The following VCAN variants were observed in gnomAD, a reference collection of about 807,000 sequenced individuals.
The protein encoded by VCAN is versican core protein.
VCAN carries 44 observed loss-of-function variants against 245.5 expected under a neutral mutation model. The ratio of observed to expected loss-of-function variants is 0.18; its 90% CI spans 0.14 to 0.23. The LOEUF (loss-of-function observed/expected upper bound fraction) is 0.23. Among genes scored for constraint, VCAN ranks in the 10% least tolerant of loss-of-function variants. VCAN has a pLI of 1.00. For synonymous variants in VCAN, 1,413 were observed against 1,437.0 expected (o/e 0.98, Z 0.38); for missense variants, 3,793 against 4,057.9 (o/e 0.93, Z 1.77).
Position 83,521,440 on chromosome 5 carries a change from C to A in VCAN, c.3134C>A (p.Pro1045Gln). The change falls in exon 7 of 15, where the codon CCA becomes CAA. Residue 1045 changes from proline to glutamine, a missense_variant. Coordinates refer to ENST00000265077, the MANE Select transcript of VCAN (RefSeq NM_004385.5). The part of the protein sequence containing the change: ...FPWKEQTAEK[P>Q]VPALSSTAWT... ...TGGAAAGAACAGACTGCAGAGAAAC[C>A]AGTTCCTGCTCTCAGTTCTACAGCT... The A allele has an allele frequency of 1.2e-6, 2 of 1,614,140 alleles. No individual in the cohort carries two copies. The highest frequency in any genetic ancestry group is 2.2e-5 in the South Asian group (2 of 91,078).
Position 83,538,791 on chromosome 5 carries a change from T to G in VCAN, c.5788T>G (p.Leu1930Val). The change falls in exon 8 of 15, where the codon TTG (leucine) becomes GTG (valine). Residue 1930 changes from leucine (L) to valine (V), a missense_variant. Leu to Val is a conservative substitution (Grantham distance 32). Coordinates refer to ENST00000265077, the MANE Select transcript of VCAN (RefSeq NM_004385.5). Reference protein sequence around the residue: ...EIRGFSTGFPLEEDFSGDFRE... With the variant: ...EIRGFSTGFPVEEDFSGDFRE... ...AAGGGGCTTTTCCACAGGTTTTCCT[T>G]TGGAGGAAGATTTCAGTGGTGACTT... 6.2e-7 allele frequency: 1 copy of G among 1,613,876 alleles called. No individual in the cohort carries two copies.
intron 5 of VCAN, among the ~76,000 whole-genome samples, chr5:83,498,369 G>C (rs970056854): frequency 1.3e-5 from 2 of 152,156 alleles, no homozygotes; most frequent in African/African-American, 4.8e-5. Context: ...TGCCCAATAT[G>C]TCCTTAGCAT....
chr5:83,528,628 T>A lies in VCAN; in HGVS notation c.4003+6319T>A, dbSNP rs147622597. On this transcript the variant is annotated intron_variant, in intron 7 of 14. Transcript: ENST00000265077. ...AAGACAGCATGTTCTGTGGGTTAAGTACATTTACCTTTTCAAAATATACTC... is the reference window on the plus strand; with the variant it reads ...AAGACAGCATGTTCTGTGGGTTAAGAACATTTACCTTTTCAAAATATACTC... Among the ~76,000 whole-genome samples the A allele has an allele frequency of 7.2e-4, 109 of 152,252 alleles. 1 individual carries two copies. The highest frequency in any genetic ancestry group is 3.4e-3 in the Middle Eastern group (1 of 294).
intron 5 of VCAN, among the ~76,000 whole-genome samples, chr5:83,511,570 A>T (rs72771206): frequency 2.1e-5 from 3 of 141,842 alleles, no homozygotes; most frequent in Non-Finnish European, 3.1e-5. Flanking sequence ...AGGTTTTCTT[A>T]TTTTTTTTTT....
chr5:83,540,929 T>A lies in VCAN; in HGVS notation c.7926T>A (p.Val2642=). The part of the protein sequence containing the change: ...TEETFEGSAD[V]LASYTQATHD... ...AAACATTTGAGGGCTCTGCTGATGT[T>A]CTGGCTAGCTACACTCAGGCAACAC... Residue 2642 remains valine (V), a synonymous_variant, in exon 8 of 15, where the codon GTT becomes GTA. Coordinates refer to ENST00000265077, the MANE Select transcript of VCAN (RefSeq NM_004385.5). 6.2e-7 allele frequency: 1 copy of A among 1,614,014 alleles called. No homozygotes were observed. The highest frequency in any genetic ancestry group is 8.5e-7 in the Non-Finnish European group (1 of 1,179,968).
intron 7 of VCAN, among the ~76,000 whole-genome samples, chr5:83,531,924 G>T (rs778501216): frequency 1.3e-5 from 2 of 151,910 alleles, no homozygotes; most frequent in African/African-American, 4.8e-5. Flanking sequence ...TATAAACATA[G>T]AAAAGATTAT....
intron 7 of VCAN, among the ~76,000 whole-genome samples, chr5:83,524,502 ACCTACCTACCTACCTT>A (rs1461201104): frequency 6.6e-6 from 1 of 150,940 alleles, no homozygotes; most frequent in Non-Finnish European, 1.5e-5. Context: ...TTATGTATCT[ACCTACCTACCTACCTT>A]CCTACCTACC....
chr5:83,529,496 A>T (rs1746438891), intron 7 of VCAN, among the ~76,000 whole-genome samples: 3 of 152,184 alleles, frequency 2.0e-5, no homozygotes, highest in South Asian at 2.1e-4. Context: ...TTTAAAGTAT[A>T]TGTATATGAA....
At chr5:83,556,023 A>T (rs1047317851) in intron 12 of VCAN, among the ~76,000 whole-genome samples, 15 of 152,204 alleles carry the variant, frequency 9.9e-5, no homozygotes, top group African/African-American at 3.6e-4. Context: ...CAAAATATAA[A>T]ATTCATTCAA....
intron 12 of VCAN, among the ~76,000 whole-genome samples, chr5:83,559,965 A>G (rs929649688): frequency 6.6e-6 from 1 of 151,908 alleles, no homozygotes; most frequent in Non-Finnish European, 1.5e-5. Context: ...AGTATGAAAA[A>G]CATCAAAACA....
At chr5:83,495,520 CT>C (rs2112361872) in intron 5 of VCAN, among the ~76,000 whole-genome samples, 1 of 152,176 alleles carries the variant, frequency 6.6e-6, no homozygotes, top group East Asian at 1.9e-4. Context: ...AAAACTAGAG[CT>C]TTTCTCTTGC....
At chr5:83,570,563 T>C (rs1457866938) in intron 12 of VCAN, among the ~76,000 whole-genome samples, 1 of 152,170 alleles carries the variant, frequency 6.6e-6, no homozygotes, top group African/African-American at 2.4e-5. Flanking sequence ...ATATTAATTA[T>C]ACTCTTTTTG....
intron 13 of VCAN, among the ~76,000 whole-genome samples, chr5:83,576,541 C>T (rs1748487190): frequency 6.6e-6 from 1 of 152,092 alleles, no homozygotes; most frequent in Non-Finnish European, 1.5e-5. Context: ...CATTCTTGAA[C>T]TTGTTCTTGG....
At chr5:83,485,113 T>C (rs1163523520) in intron 2 of VCAN, among the ~76,000 whole-genome samples, 1 of 152,192 alleles carries the variant, frequency 6.6e-6, no homozygotes, top group Admixed American at 6.5e-5. Context: ...CCATTACCCC[T>C]GTATTCTATT....
intron 10 of VCAN, among the ~76,000 whole-genome samples, chr5:83,552,204 T>G (rs1429158190): frequency 6.6e-6 from 1 of 152,004 alleles, no homozygotes; most frequent in Non-Finnish European, 1.5e-5. Context: ...GGAATAAGAG[T>G]CAAGAGACAA....
At chr5:83,566,013 G>C (rs1748066463) in intron 12 of VCAN, among the ~76,000 whole-genome samples, 1 of 149,340 alleles carries the variant, frequency 6.7e-6, no homozygotes, top group Admixed American at 6.7e-5. Context: ...GCCCAGGCTG[G>C]AGTGCAATGG....
intron 1 of VCAN, among the ~76,000 whole-genome samples, chr5:83,478,455 G>T (rs1744475888): frequency 6.6e-6 from 1 of 151,964 alleles, no homozygotes; most frequent in Non-Finnish European, 1.5e-5. Flanking sequence ...TTATTATATG[G>T]ATGGATATTG....
Position 83,540,483 on chromosome 5 carries a change from G to T in VCAN, c.7480G>T (p.Glu2494Ter). 2 of 1,613,920 alleles carry T rather than the reference G, an allele frequency of 1.2e-6. No individual in the cohort carries two copies. Among genetic ancestry groups the T allele is most frequent in the South Asian group, 2.2e-5 (2 of 91,056 alleles). ...TTCAGTGATGCTGCCTCTTCATTCA[G>T]AGCAGAACAAAAGCTCCCCTGATCC... Reference protein sequence around the residue: ...TVSVMLPLHSEQNKSSPDPTS... With the variant: ...TVSVMLPLHS The change falls in exon 8 of 15, where the codon GAG becomes TAG. Residue 2494 changes from glutamate (E) to a stop codon, truncating the protein, a stop_gained. Transcript: ENST00000265077. LOFTEE classifies it high-confidence loss of function.
Position 83,474,095 on chromosome 5 carries a change from A to G in VCAN, c.-7+2072A>G, listed in dbSNP as rs373859567. 6.6e-5 allele frequency among the ~76,000 whole-genome samples: 10 copies of G among 152,102 alleles called. No homozygotes were observed. In the East Asian group the frequency reaches 9.7e-4, roughly 15 times the overall value. On this transcript the variant is annotated intron_variant, in intron 1 of 14. Transcript: ENST00000265077. ...TACCGTGCTCTCAAAACCCATGACC[A>G]CTTGAACCCAACGCTAGGGCCCCGC...
Sources: allele counts gnomAD v4.1 joint callset (sites outside exome capture counted in the v4.1 genomes callset), GRCh38; gene constraint gnomAD v4.1.1; transcripts MANE v1.5; gene names NCBI Gene and HGNC (gene_info 2026-07-23, HGNC 2026-07-21).